Variants in ARSF observed in about 807,000 individuals in gnomAD.
The protein encoded by ARSF is arylsulfatase F.
Under a neutral mutation model 35.4 loss-of-function variants are expected in ARSF, and 33 were observed. The ratio of observed to expected loss-of-function variants is 0.93; its 90% CI spans 0.71 to 1.25. The LOEUF is 1.25. Among genes scored for constraint, ARSF ranks in the 50% most tolerant of loss-of-function variants. ARSF has a pLI of 0.00. For synonymous variants in ARSF, 222 were observed against 193.1 expected (o/e 1.15, Z -1.24); for missense variants, 501 against 480.2 (o/e 1.04, Z -0.40).
chrX:3,054,957 C>G (rs2090011834), intron 1 of ARSF, among the ~76,000 whole-genome samples: 1 of 107,750 alleles, frequency 9.3e-6, no homozygotes, highest in East Asian at 3.0e-4. Context: ...TGGTCTTGAA[C>G]TCCTGACCTC....
At chrX:3,081,916 A>G (rs1478595844) in intron 5 of ARSF, among the ~76,000 whole-genome samples, 1 of 110,669 alleles carries the variant, frequency 9.0e-6, no homozygotes, top group Non-Finnish European at 1.9e-5. Context: ...AAATCCCTTC[A>G]ATTTTTGTAA....
chrX:3,040,483 T>C (rs1158535236), upstream of ARSF, among the ~76,000 whole-genome samples: 2 of 111,651 alleles, frequency 1.8e-5, no homozygotes, highest in South Asian at 3.8e-4. Flanking sequence ...GCATTCTAAA[T>C]GGTCTTCTCC....
intron 1 of ARSF, among the ~76,000 whole-genome samples, chrX:3,043,863 C>A (rs1333705329): frequency 9.0e-6 from 1 of 111,077 alleles, no homozygotes; most frequent in African/African-American, 3.3e-5. Context: ...TTCACTGTTC[C>A]CTTGAGCACT....
chrX:3,054,073 C>A (rs1028133052), intron 1 of ARSF, among the ~76,000 whole-genome samples: 1 of 111,055 alleles, frequency 9.0e-6, no homozygotes, highest in Non-Finnish European at 1.9e-5. Context: ...ACCTACTGGA[C>A]TTTTTTTCGG....
chrX:3,068,203 TAA>T (rs2090079853), intron 2 of ARSF, 92 bp downstream of exon 2: 1 of 842,776 alleles, frequency 1.2e-6, no homozygotes, highest in Non-Finnish European at 1.6e-6. Context: ...TAGAGGCATT[TAA>T]TATCATCTGC....
At chrX:3,043,360 G>C (rs1308268913) in intron 1 of ARSF, among the ~76,000 whole-genome samples, 1 of 112,032 alleles carries the variant, frequency 8.9e-6, no homozygotes, top group Non-Finnish European at 1.9e-5. Context: ...ATGTAATTAA[G>C]TTTGCTATAA....
At chrX:3,070,309 A>T (rs1313099423) in intron 2 of ARSF, among the ~76,000 whole-genome samples, 2 of 111,506 alleles carry the variant, frequency 1.8e-5, no homozygotes, top group Admixed American at 9.6e-5. Flanking sequence ...ATGGACACTG[A>T]GGTTGATTTC....
At chrX:3,044,461 C>G (rs768511685) in intron 1 of ARSF, among the ~76,000 whole-genome samples, 1 of 110,940 alleles carries the variant, frequency 9.0e-6, no homozygotes, top group East Asian at 2.9e-4. Flanking sequence ...TTTTGGACAC[C>G]GACTTCTTGT....
intron 7 of ARSF, 123 bp from the exon 8 acceptor site, chrX:3,100,964 G>C (rs910322444): frequency 3.7e-5 from 23 of 613,584 alleles, no homozygotes; most frequent in Non-Finnish European, 5.3e-5. Flanking sequence ...CTTTTCTTTT[G>C]TGGCTTTTGA....
intron 6 of ARSF, among the ~76,000 whole-genome samples, chrX:3,086,075 A>G: frequency 9.0e-6 from 1 of 111,425 alleles, no homozygotes; most frequent in East Asian, 2.8e-4. Context: ...TGTAGATGCA[A>G]CTGAATGCTT....
Position 3,068,113 on chromosome X carries a change from T to G in ARSF, c.11+2T>G. ...TCCAAGCTGCACAATGAGGCCCAGG[T>G]AGGTAAAGCCATATACTGCATTGTG... On this transcript the variant is annotated splice_donor_variant, in intron 2 of 10. Coordinates refer to ENST00000381127, the MANE Select transcript of ARSF (RefSeq NM_001201539.2). LOFTEE classifies it high-confidence loss of function. 8.3e-7 allele frequency: 1 copy of G among 1,201,479 alleles called. No homozygotes were observed. Among genetic ancestry groups the G allele is most frequent in the Non-Finnish European group, 1.1e-6 (1 of 890,241 alleles).
At chrX:3,100,168 T>C (rs932482838) in intron 7 of ARSF, among the ~76,000 whole-genome samples, 6 of 112,403 alleles carry the variant, frequency 5.3e-5, no homozygotes, top group Non-Finnish European at 7.5e-5. Flanking sequence ...CATCCTATTC[T>C]CTATTTAAAA....
intron 5 of ARSF, among the ~76,000 whole-genome samples, chrX:3,083,381 C>A (rs1391504389): frequency 9.0e-6 from 1 of 111,065 alleles, no homozygotes; most frequent in Admixed American, 9.6e-5. Flanking sequence ...ATTAGCTAGT[C>A]ATCTATCGAT....
intron 6 of ARSF, among the ~76,000 whole-genome samples, chrX:3,088,548 G>A (rs911125713): frequency 2.2e-5 from 2 of 89,461 alleles, no homozygotes; most frequent in South Asian, 7.2e-4. Context: ...AACATGAGAG[G>A]AGACCTCAAA....
intron 7 of ARSF, among the ~76,000 whole-genome samples, chrX:3,093,468 G>C (rs2090315946): frequency 9.0e-6 from 1 of 111,233 alleles, no homozygotes; most frequent in Non-Finnish European, 1.9e-5. Context: ...TTATGTCCAT[G>C]AGTACCCAAT....
chrX:3,080,958 T>A lies in ARSF; in HGVS notation c.351T>A (p.Asn117Lys). 8.3e-7 allele frequency: 1 copy of A among 1,211,705 alleles called. No homozygotes were observed. The highest frequency in any genetic ancestry group is 1.1e-6 in the Non-Finnish European group (1 of 895,438). The change falls in exon 5 of 11, where the codon AAT (asparagine) becomes AAA (lysine). Residue 117 changes from asparagine to lysine, a missense_variant. Physicochemically the swap from Asn to Lys is moderately conservative, Grantham distance 94. Coordinates refer to ENST00000381127, the MANE Select transcript of ARSF (RefSeq NM_001201539.2). Reference sequence around the variant, plus strand: ...CAGTCCCCGCAGGCCTCCCTCTTAATGAGACAACACTTGCAGCCTTGCTAA... The same window carrying A: ...CAGTCCCCGCAGGCCTCCCTCTTAAAGAGACAACACTTGCAGCCTTGCTAA... Reference protein sequence around the residue: ...NLAVPAGLPLNETTLAALLKK... With the variant: ...NLAVPAGLPLKETTLAALLKK...
chrX:3,093,293 C>T (rs945163535), intron 7 of ARSF, among the ~76,000 whole-genome samples: 8 of 111,911 alleles, frequency 7.1e-5, no homozygotes, highest in Non-Finnish European at 1.3e-4. Flanking sequence ...AGGGAGTACG[C>T]ATGCAGGTTT....
At chrX:3,098,047 A>AACACAAAC (rs1555923082) in intron 7 of ARSF, among the ~76,000 whole-genome samples, 1 of 88,074 alleles carries the variant, frequency 1.1e-5, no homozygotes, top group African/African-American at 4.3e-5. Context: ...ATACACACAC[A>AACACAAAC]ACACACACAC....
chrX:3,075,038 T>C (rs2090135923), intron 3 of ARSF, among the ~76,000 whole-genome samples: 1 of 112,147 alleles, frequency 8.9e-6, no homozygotes. Flanking sequence ...TTCTTTTGAA[T>C]ATTTAATCAT....
Sources: gnomAD v4.1 joint callset for allele counts (sites outside exome capture counted in the v4.1 genomes callset) on GRCh38, gnomAD v4.1.1 for gene constraint, MANE v1.5 for transcripts, NCBI Gene and HGNC (gene_info 2026-07-23, HGNC 2026-07-21) for gene names.